Variants in CADM2 observed in about 807,000 individuals in gnomAD.
CADM2 encodes cell adhesion molecule 2.
In CADM2, 12 loss-of-function variants were observed where a neutral mutation model predicts 49.8. The observed-to-expected ratio is 0.24, with a 90% CI of 0.15 to 0.39. CADM2 has a LOEUF of 0.39. Among genes scored for constraint, CADM2 ranks in the 10% least tolerant of loss-of-function variants. The probability of loss-of-function intolerance (pLI) is 1.00; values close to 1 mark genes in which losing one functional copy is unlikely to be tolerated. For synonymous variants in CADM2, 214 were observed against 175.4 expected (o/e 1.22, Z -1.74); for missense variants, 378 against 492.3 (o/e 0.77, Z 2.20).
At chr3:85,040,821 A>G (rs1181298167) in intron 1 of CADM2, among the ~76,000 whole-genome samples, 1 of 152,230 alleles carries the variant, frequency 6.6e-6, no homozygotes, top group African/African-American at 2.4e-5. Flanking sequence ...CCCAGAAGAA[A>G]GAATATATAA....
At chr3:85,131,875 A>G (rs2039239203) in intron 1 of CADM2, among the ~76,000 whole-genome samples, 1 of 137,874 alleles carries the variant, frequency 7.3e-6, no homozygotes, top group South Asian at 2.6e-4. Flanking sequence ...AATATTAACA[A>G]TGTGGCTGTA....
intron 1 of CADM2, among the ~76,000 whole-genome samples, chr3:85,096,106 A>G (rs945773728): frequency 2.0e-5 from 3 of 152,110 alleles, no homozygotes; most frequent in African/African-American, 7.2e-5. Context: ...GCTGTTTTAA[A>G]TATGTCTAGA....
chr3:85,991,795 A>G (rs1728800217), intron 8 of CADM2, among the ~76,000 whole-genome samples: 1 of 152,096 alleles, frequency 6.6e-6, no homozygotes, highest in African/African-American at 2.4e-5. Context: ...ATTAATATTA[A>G]TTGATACCAT....
intron 1 of CADM2, among the ~76,000 whole-genome samples, chr3:85,620,609 C>T (rs796575916): frequency 5.9e-5 from 9 of 152,062 alleles, no homozygotes; most frequent in African/African-American, 2.2e-4. Context: ...GTCTTAGTTA[C>T]AGACAGTATT....
chr3:85,664,237 T>G (rs2065496106), intron 1 of CADM2, among the ~76,000 whole-genome samples: 2 of 151,984 alleles, frequency 1.3e-5, no homozygotes, highest in Admixed American at 1.3e-4. Context: ...CCCCGTGATT[T>G]TCAAACTTAT....
At chr3:85,352,166 A>C (rs2107241314) in intron 1 of CADM2, among the ~76,000 whole-genome samples, 1 of 152,234 alleles carries the variant, frequency 6.6e-6, no homozygotes, top group Non-Finnish European at 1.5e-5. Context: ...TTAACAATTA[A>C]AGCACTATAG....
chr3:85,257,267 G>C (rs1411557178), intron 1 of CADM2, among the ~76,000 whole-genome samples: 1 of 152,064 alleles, frequency 6.6e-6, no homozygotes, highest in Non-Finnish European at 1.5e-5. Flanking sequence ...TGCCTTTTCT[G>C]ATGTGAGGTG....
At chr3:85,949,174 A>G (rs1375378381) in intron 7 of CADM2, among the ~76,000 whole-genome samples, 1 of 151,468 alleles carries the variant, frequency 6.6e-6, no homozygotes, top group African/African-American at 2.4e-5. Context: ...CTTATTAATG[A>G]GTTACAAAAT....
intron 8 of CADM2, among the ~76,000 whole-genome samples, chr3:85,972,521 C>T (rs1173059471): frequency 1.3e-5 from 2 of 151,732 alleles, no homozygotes; most frequent in African/African-American, 4.8e-5. Context: ...TAAATGGTAA[C>T]AATTTTTCTC....
intron 1 of CADM2, among the ~76,000 whole-genome samples, chr3:85,068,065 TA>T (rs2036587048): frequency 6.6e-6 from 1 of 152,140 alleles, no homozygotes; most frequent in East Asian, 1.9e-4. Context: ...GCTCAAAAAA[TA>T]AAATATTTTC....
intron 1 of CADM2, among the ~76,000 whole-genome samples, chr3:85,473,490 G>A (rs966709387): frequency 6.6e-6 from 1 of 151,984 alleles, no homozygotes; most frequent in Admixed American, 6.6e-5. Flanking sequence ...TTAAGAAAGC[G>A]TTACAAAGAG....
At chr3:85,228,113 CT>C in intron 1 of CADM2, among the ~76,000 whole-genome samples, 1 of 151,992 alleles carries the variant, frequency 6.6e-6, no homozygotes, top group Non-Finnish European at 1.5e-5. Flanking sequence ...TGAGGTTGCT[CT>C]TTTTGAGGAA....
Position 85,584,367 on chromosome 3 carries a change from A to G in CADM2, c.62-142155A>G, listed in dbSNP as rs79935291. Among the ~76,000 whole-genome samples the G allele has an allele frequency of 4.6e-3, 701 of 152,152 alleles. 8 individuals are homozygous for G. Among genetic ancestry groups the G allele is most frequent in the African/African-American group, 0.016 (677 of 41,546 alleles). Reference sequence around the variant, plus strand: ...TTCTGGTTGGGTTCATTTTTATACTAAGATATAAAGTTCAAATTTAAACAC... The same window carrying G: ...TTCTGGTTGGGTTCATTTTTATACTGAGATATAAAGTTCAAATTTAAACAC... On this transcript the variant is annotated intron_variant, in intron 1 of 9. Coordinates refer to ENST00000383699, the MANE Select transcript of CADM2 (RefSeq NM_001167675.2).
intron 1 of CADM2, among the ~76,000 whole-genome samples, chr3:84,999,222 G>A (rs781652805): frequency 3.3e-5 from 5 of 152,082 alleles, no homozygotes; most frequent in Non-Finnish European, 5.9e-5. Flanking sequence ...GGAACACTGA[G>A]TTAACAAATA....
At chr3:85,486,941 A>AT (rs11412583) in intron 1 of CADM2, among the ~76,000 whole-genome samples, 51,412 of 149,666 alleles carry the variant, frequency 0.34, 8,876 homozygotes, top group East Asian at 0.55. Context: ...ACTTTTAATA[A>AT]TTTTTTTTTT....
At chr3:85,579,525 T>C (rs1001694956) in intron 1 of CADM2, among the ~76,000 whole-genome samples, 3 of 152,192 alleles carry the variant, frequency 2.0e-5, no homozygotes, top group African/African-American at 7.2e-5. Context: ...TGGCTCCCCA[T>C]TGCTTAATGA....
intron 8 of CADM2, among the ~76,000 whole-genome samples, chr3:86,053,047 A>C (rs1737524159): frequency 6.6e-6 from 1 of 152,136 alleles, no homozygotes; most frequent in African/African-American, 2.4e-5. Context: ...CCAAGGGTTA[A>C]CTACACTGAA....
chr3:85,901,053 T>A (rs1315483481), intron 5 of CADM2, among the ~76,000 whole-genome samples: 1 of 152,114 alleles, frequency 6.6e-6, no homozygotes, highest in African/African-American at 2.4e-5. Flanking sequence ...AAAAATTAGC[T>A]GGGCGTGGTG....
intron 8 of CADM2, among the ~76,000 whole-genome samples, chr3:85,972,247 C>A (rs973121441): frequency 5.3e-5 from 8 of 151,650 alleles, no homozygotes; most frequent in African/African-American, 1.9e-4. Flanking sequence ...TTTCCTCTTA[C>A]AATTGTTTCC....
Sources: gnomAD v4.1 joint callset for allele counts (sites outside exome capture counted in the v4.1 genomes callset) on GRCh38, gnomAD v4.1.1 for gene constraint, MANE v1.5 for transcripts, NCBI Gene and HGNC (gene_info 2026-07-23, HGNC 2026-07-21) for gene names.